Variants in GLI3 observed in about 807,000 individuals in gnomAD.
GLI3 encodes transcription activator GLI3.
GLI3 carries 20 observed loss-of-function variants against 100.8 expected under a neutral mutation model. The observed-to-expected ratio is 0.20, with a 90% confidence interval of 0.14 to 0.29. GLI3 has a LOEUF of 0.29. GLI3 is among the 10% of genes least tolerant of loss of function. The pLI is 1.00. For synonymous variants in GLI3, 938 were observed against 860.5 expected, an observed-to-expected ratio of 1.09 and a Z score of -1.58; for missense variants, 2,040 against 2,128.5, an observed-to-expected ratio of 0.96 and a Z score of 0.82.
In GLI3 at chr7:42,182,644, GTATATATATATATA is replaced by G. The variant is rs764864618; in HGVS notation, c.125-34190_125-34177del. 7.9e-4 allele frequency among the ~76,000 whole-genome samples: 41 copies of G among 51,672 alleles called. 2 individuals are homozygous for G. The highest frequency in any genetic ancestry group is 1.4e-3 in the South Asian group (2 of 1,408). 33.9% of individuals were successfully genotyped at this position (51,672 alleles called of 152,430 possible). On this transcript the variant is annotated intron_variant, in intron 2 of 14. Transcript: ENST00000395925. ...TTTATATGCATATGTATATGTGTGT[GTATATATATATATA>G]TATATATATATATATATATATATAC...
intron 2 of GLI3, among the ~76,000 whole-genome samples, chr7:42,184,008 T>C (rs967946339): frequency 2.0e-5 from 3 of 152,206 alleles, no homozygotes; most frequent in African/African-American, 7.2e-5. Flanking sequence ...TCTGCCTCAG[T>C]TCCCTCTTCT....
chr7:42,009,480 C>CTTTTTTTTTT (rs3030324), intron 10 of GLI3, among the ~76,000 whole-genome samples: 3 of 118,382 alleles, frequency 2.5e-5, no homozygotes, highest in Non-Finnish European at 3.5e-5. Flanking sequence ...GCAAATTGTT[C>CTTTTTTTTTT]TTTTTTTTTT....
chr7:42,030,692 ATTTGTTTTTTTTTTT>A (rs1322263252), intron 7 of GLI3, among the ~76,000 whole-genome samples: 14 of 128,208 alleles, frequency 1.1e-4, no homozygotes, highest in African/African-American at 4.6e-4. Context: ...ACTATTGTTG[ATTTGTTTTTTTTTTT>A]TTTGTTTTTT....
At chr7:41,987,083 T>TACACAG (rs200962884) in intron 10 of GLI3, among the ~76,000 whole-genome samples, 3,460 of 129,898 alleles carry the variant, frequency 0.027, 84 homozygotes, top group Admixed American at 0.082. Context: ...TGCTACAACA[T>TACACAG]ACACAGACAC....
intron 3 of GLI3, among the ~76,000 whole-genome samples, chr7:42,126,238 G>C (rs1786128286): frequency 6.6e-6 from 1 of 152,220 alleles, no homozygotes; most frequent in Admixed American, 6.5e-5. Context: ...TGAGGAGAAG[G>C]AAAACTGCTG....
At chr7:42,181,727 A>T (rs578133017) in intron 2 of GLI3, among the ~76,000 whole-genome samples, 1 of 152,304 alleles carries the variant, frequency 6.6e-6, no homozygotes, top group South Asian at 2.1e-4. Flanking sequence ...AAAACATTCC[A>T]TTGCCCCACA....
chr7:42,169,067 C>T (rs1787306356), intron 2 of GLI3, among the ~76,000 whole-genome samples: 1 of 152,102 alleles, frequency 6.6e-6, no homozygotes, highest in African/African-American at 2.4e-5. Flanking sequence ...ATCTAACTGC[C>T]CATTTATGAG....
intron 9 of GLI3, 114 bp from the exon 10 acceptor site, chr7:42,023,722 T>A: frequency 1.1e-6 from 1 of 895,314 alleles, no homozygotes; most frequent in Non-Finnish European, 1.8e-6. Flanking sequence ...TCTAGGGTTT[T>A]GTGAAGTGAA....
At chr7:42,169,058 T>G (rs1787305900) in intron 2 of GLI3, among the ~76,000 whole-genome samples, 1 of 152,238 alleles carries the variant, frequency 6.6e-6, no homozygotes, top group African/African-American at 2.4e-5. Flanking sequence ...TGAGAAATTA[T>G]CTAACTGCCC....
At chr7:42,115,108 G>T (rs145222199) in intron 3 of GLI3, among the ~76,000 whole-genome samples, 1 of 145,874 alleles carries the variant, frequency 6.9e-6, no homozygotes, top group South Asian at 2.3e-4. Flanking sequence ...CCTTTTTCTT[G>T]TGTTGGCCCC....
intron 3 of GLI3, among the ~76,000 whole-genome samples, chr7:42,084,356 G>A (rs846293): frequency 0.62 from 94,992 of 152,108 alleles, 30,454 homozygotes; most frequent in African/African-American, 0.75. Context: ...GTCCTCAGTC[G>A]TGAACCAACA....
intron 3 of GLI3, among the ~76,000 whole-genome samples, chr7:42,130,477 A>G (rs1388003990): frequency 1.3e-5 from 2 of 152,254 alleles, no homozygotes; most frequent in Admixed American, 6.5e-5. Flanking sequence ...AAGTTTCAAT[A>G]AAAGATTTCT....
intron 8 of GLI3, 83 bp downstream of exon 8, chr7:42,026,116 G>C (rs1426637999): frequency 2.4e-6 from 2 of 845,962 alleles, no homozygotes; most frequent in Admixed American, 2.0e-5. Flanking sequence ...CAGAGGTGCC[G>C]TGTTGATTAA....
chr7:42,091,575 C>T (rs1284878669), intron 3 of GLI3, among the ~76,000 whole-genome samples: 1 of 152,234 alleles, frequency 6.6e-6, no homozygotes, highest in Non-Finnish European at 1.5e-5. Flanking sequence ...GTCCTGAGGG[C>T]TAATTGGGCT....
At chr7:41,977,173 C>A (rs1787534837) in intron 12 of GLI3, among the ~76,000 whole-genome samples, 2 of 152,240 alleles carry the variant, frequency 1.3e-5, no homozygotes, top group Non-Finnish European at 2.9e-5. Flanking sequence ...CAGCTGTCAA[C>A]ATGCTACTTC....
intron 2 of GLI3, among the ~76,000 whole-genome samples, chr7:42,214,204 G>A (rs991800410): frequency 2.0e-5 from 3 of 152,086 alleles, no homozygotes; most frequent in African/African-American, 4.8e-5. Flanking sequence ...CAAAGACCTC[G>A]GACTTTGAGA....
intron 2 of GLI3, among the ~76,000 whole-genome samples, chr7:42,201,160 GAAT>G (rs1486718876): frequency 2.0e-5 from 3 of 152,018 alleles, no homozygotes; most frequent in Admixed American, 6.6e-5. Flanking sequence ...TAATAAAATA[GAAT>G]AATTACAACA....
intron 2 of GLI3, among the ~76,000 whole-genome samples, chr7:42,184,285 C>T (rs1787676094): frequency 6.6e-6 from 1 of 152,232 alleles, no homozygotes; most frequent in African/African-American, 2.4e-5. Context: ...TAGGTCTGCC[C>T]CAGGGCTCTG....
At position 41,972,159 on chromosome 7, in the gene GLI3, ACT is replaced by A. The variant is rs895834617; in HGVS notation, c.2103+176_2103+177del. Among the ~76,000 whole-genome samples, 1 of 151,734 alleles carries A rather than the reference ACT, an allele frequency of 6.6e-6. No homozygotes were observed. The highest frequency in any genetic ancestry group is 2.4e-5 in the African/African-American group (1 of 41,268). On this transcript the variant is annotated intron_variant, in intron 13 of 14. Transcript: ENST00000395925. This position sits in a 1 kb window ranked among gnomAD's most constrained non-coding sequence, Gnocchi z 4.4. ...TAAAAATCAGTTAGGAAACCTGGAA[ACT>A]CTTTTTCTGAGCTGATCGACTTCAC... is the stretch of plus-strand genomic sequence containing the variant.
Sources: gnomAD v4.1 joint callset for allele counts (sites outside exome capture counted in the v4.1 genomes callset) on GRCh38, gnomAD v4.1.1 for gene constraint, Gnocchi (gnomAD v3.1) non-coding constraint, MANE v1.5 for transcripts, NCBI Gene and HGNC (gene_info 2026-07-23, HGNC 2026-07-21) for gene names.